The following CRMP1 variants were observed in gnomAD, a reference collection of about 807,000 sequenced individuals.
CRMP1 encodes the protein collapsin response mediator protein 1, also known as dihydropyrimidinase-related protein 1.
A neutral mutation model predicts 68.3 loss-of-function variants in CRMP1; 19 were observed. The observed-to-expected ratio is 0.28, with a 90% confidence interval of 0.19 to 0.41. CRMP1 has a LOEUF of 0.41. Among genes scored for constraint, CRMP1 ranks in the 10% least tolerant of loss-of-function variants. The pLI is 1.00. For missense variants in CRMP1, 791 were observed against 967.4 expected (o/e 0.82, Z 2.42); for synonymous variants, 439 against 399.6 (o/e 1.10, Z -1.18).
At position 5,872,342 on chromosome 4, in the gene CRMP1, G is replaced by C. The variant is rs1368294819; in HGVS notation, c.382-5586C>G. 6.6e-6 allele frequency among the ~76,000 whole-genome samples: 1 copy of C among 152,174 alleles called. No individual in the cohort carries two copies. The highest frequency in any genetic ancestry group is 1.9e-4 in the East Asian group (1 of 5,200). On this transcript the variant is annotated intron_variant, in intron 1 of 13. Transcript: ENST00000324989. This position sits in a 1 kb window ranked among gnomAD's most constrained non-coding sequence, Gnocchi z 4.6. Reference sequence around the variant, plus strand: ...CTATTGCCTCTCACGGGGTTACTGTGAGGGGAAAACAGCAGATGTGAACAA... The same window carrying C: ...CTATTGCCTCTCACGGGGTTACTGTCAGGGGAAAACAGCAGATGTGAACAA...
In CRMP1 at chr4:5,889,499, G is replaced by T; in HGVS notation, c.381+3090C>A. 6.8e-7 allele frequency: 1 copy of T among 1,463,596 alleles called. No homozygotes were observed. The highest frequency in any genetic ancestry group is 9.2e-7 in the Non-Finnish European group (1 of 1,083,658). The allele number at this position is 1,463,596 out of a possible 1,614,324, so 90.7% of individuals were successfully genotyped here. On this transcript the variant is annotated intron_variant, in intron 1 of 13. Coordinates refer to ENST00000324989, the MANE Select transcript of CRMP1 (RefSeq NM_001014809.3). This position sits in a 1 kb window ranked among gnomAD's most constrained non-coding sequence, Gnocchi z 4.5. ...GAGGTGGGCAGGAAGCCAGGTCACA[G>T]CTTGACAAGGTCCGTAACAGCAGAG...
intron 10 of CRMP1, among the ~76,000 whole-genome samples, 175 bp downstream of exon 10, chr4:5,836,590 G>A (rs537283368): frequency 1.3e-5 from 2 of 152,202 alleles, no homozygotes; most frequent in Non-Finnish European, 2.9e-5. Flanking sequence ...GGCCTCTCCC[G>A]GACTTGAGCT....
rs146352571 is a variant in CRMP1, at chr4:5,843,138, C to T, written c.987G>A (p.Met329Ile). ...IAQEQKRILE[M>I]GITGPEGHAL... ...CATGGCCCTCGGGACCCGTGATGCC[C>T]ATCTCCAGGATCCGCTTTTGTTCCT... The change falls in exon 7 of 14, where the codon ATG (methionine) becomes ATA (isoleucine). Residue 329 changes from methionine (M) to isoleucine (I), a missense_variant. Physicochemically the swap from Met to Ile is conservative, Grantham distance 10. This residue lies in a region of CRMP1 where 594 missense variants were observed against 763.6 expected (regional missense o/e 0.78). Transcript: ENST00000324989. This position sits in a 1 kb window ranked among gnomAD's most constrained non-coding sequence, Gnocchi z 4.1. 2.7e-4 allele frequency: 443 copies of T among 1,614,162 alleles called. No individual in the cohort carries two copies. Among genetic ancestry groups the T allele is most frequent in the Non-Finnish European group, 3.5e-4 (411 of 1,180,026 alleles).
chr4:5,888,483 G>A lies in CRMP1; in HGVS notation c.381+4106C>T. 2.5e-6 allele frequency: 3 copies of A among 1,207,342 alleles called. No homozygotes were observed. Among genetic ancestry groups the A allele is most frequent in the Non-Finnish European group, 2.1e-6 (2 of 972,576 alleles). The allele number at this position is 1,207,342 out of a possible 1,614,324, so 74.8% of individuals were successfully genotyped here. ...GGCTGCCAGCACCGCCCGGATCGGC[G>A]AGGAGGGCGGGAGAAGGAGGAGGGA... On this transcript the variant is annotated intron_variant, in intron 1 of 13. Transcript: ENST00000324989. The surrounding 1 kb of genome is among the most constrained non-coding windows in gnomAD (Gnocchi z 6.4).
rs1006117179 is a variant in CRMP1 at position 5,892,222 on chromosome 4, A to C, written c.381+367T>G. Among the ~76,000 whole-genome samples the C allele has an allele frequency of 4.6e-5, 7 of 152,178 alleles. No individual in the cohort carries two copies. The highest frequency in any genetic ancestry group is 1.2e-4 in the African/African-American group (5 of 41,444). On this transcript the variant is annotated intron_variant, in intron 1 of 13. Transcript: ENST00000324989. This position sits in a 1 kb window ranked among gnomAD's most constrained non-coding sequence, Gnocchi z 8.6. ...GGAACGGAGCTCCAGTTCTTTTCAC[A>C]AAACAGAATGAGGGGCCTGGGTTAG... is the stretch of plus-strand genomic sequence containing the variant.
rs1011291846 is a variant in CRMP1 at position 5,879,966 on chromosome 4, G to A, written c.381+12623C>T. 6.6e-6 allele frequency among the ~76,000 whole-genome samples: 1 copy of A among 152,210 alleles called. No homozygotes were observed. The highest frequency in any genetic ancestry group is 2.4e-5 in the African/African-American group (1 of 41,458). ...GGAATAAAGAATTGGAGTGGTTTTGGAAAAGAGAAGGTCCTAAGTAATGGA... is the reference window on the plus strand; with the variant it reads ...GGAATAAAGAATTGGAGTGGTTTTGAAAAAGAGAAGGTCCTAAGTAATGGA... On this transcript the variant is annotated intron_variant, in intron 1 of 13. Coordinates refer to ENST00000324989, the MANE Select transcript of CRMP1 (RefSeq NM_001014809.3). This position sits in a 1 kb window ranked among gnomAD's most constrained non-coding sequence, Gnocchi z 4.2.
At position 5,842,643 on chromosome 4, in the gene CRMP1, GTCTC is replaced by G. The variant is rs549227326; in HGVS notation, c.1032+446_1032+449del. ...TCACTCACACACACACACACGCACT[GTCTC>G]TCTCACACACACACACTAACATACA... On this transcript the variant is annotated intron_variant, in intron 7 of 13. Transcript: ENST00000324989. The surrounding 1 kb of genome is among the most constrained non-coding windows in gnomAD (Gnocchi z 4.5). 8.9e-3 allele frequency among the ~76,000 whole-genome samples: 1,322 copies of G among 148,996 alleles called. 7 individuals carry two copies. The highest frequency in any genetic ancestry group is 0.012 in the Non-Finnish European group (818 of 67,222).
intron 1 of CRMP1, among the ~76,000 whole-genome samples, chr4:5,869,632 C>T (rs1338914337): frequency 1.4e-5 from 2 of 147,542 alleles, no homozygotes; most frequent in African/African-American, 2.5e-5. Flanking sequence ...TGCAGTGAGC[C>T]GAGATAGCGC....
rs1406449836 is a variant in CRMP1, at chr4:5,842,623, C to G, written c.1032+470G>C. Among the ~76,000 whole-genome samples, 3 of 138,262 alleles carry G rather than the reference C, an allele frequency of 2.2e-5. No individual in the cohort carries two copies. Among genetic ancestry groups the G allele is most frequent in the Non-Finnish European group, 4.8e-5 (3 of 62,986 alleles). 90.7% of individuals were successfully genotyped at this position (138,262 alleles called of 152,430 possible). A position where few individuals can be genotyped will look rare whatever the true frequency, so the allele number is the denominator to read the frequency against. Reference sequence around the variant, plus strand: ...TCACACACACACACACACACTCACTCACACACACACACACGCACTGTCTCT... The same window carrying G: ...TCACACACACACACACACACTCACTGACACACACACACACGCACTGTCTCT... On this transcript the variant is annotated intron_variant, in intron 7 of 13. Coordinates refer to ENST00000324989, the MANE Select transcript of CRMP1 (RefSeq NM_001014809.3). The surrounding 1 kb of genome is among the most constrained non-coding windows in gnomAD (Gnocchi z 4.5).
rs1711526306 is a variant in CRMP1 at position 5,839,311 on chromosome 4, A to G, written c.1310+211T>C. The stretch of plus-strand genomic sequence containing the variant: ...AGGTTGGCTCAACAGGAGGTGGTCA[A>G]TTGATGTGAATGGAACAGTCACTGG... On this transcript the variant is annotated intron_variant, in intron 9 of 13. Coordinates refer to ENST00000324989, the MANE Select transcript of CRMP1 (RefSeq NM_001014809.3). Among the ~76,000 whole-genome samples, 4 of 152,216 alleles carry G rather than the reference A, an allele frequency of 2.6e-5. No homozygotes were observed. In the South Asian group the frequency reaches 8.3e-4, roughly 31 times the overall value.
At chr4:5,864,460 T>C (rs1309304735) in intron 2 of CRMP1, among the ~76,000 whole-genome samples, 1 of 152,230 alleles carries the variant, frequency 6.6e-6, no homozygotes, top group Non-Finnish European at 1.5e-5. Context: ...CCATTCGGGA[T>C]CCAGGTGCCC....
Position 5,860,616 on chromosome 4 carries a change from A to G in CRMP1, c.655+410T>C, listed in dbSNP as rs568944333. Among the ~76,000 whole-genome samples the G allele has an allele frequency of 7.3e-6, 1 of 137,186 alleles. No individual in the cohort carries two copies. Among genetic ancestry groups the G allele is most frequent in the Non-Finnish European group, 1.6e-5 (1 of 63,756 alleles). 90.0% of individuals were successfully genotyped at this position (137,186 alleles called of 152,430 possible). A position where few individuals can be genotyped will look rare whatever the true frequency, so the allele number is the denominator to read the frequency against. On this transcript the variant is annotated intron_variant, in intron 3 of 13. Coordinates refer to ENST00000324989, the MANE Select transcript of CRMP1 (RefSeq NM_001014809.3). The surrounding 1 kb of genome is among the most constrained non-coding windows in gnomAD (Gnocchi z 4.2). The stretch of plus-strand genomic sequence containing the variant: ...GTTCTGAAACCATAGCCATCTTCAC[A>G]TCATGTTGAAGGATTTTTTTTTTTT...
intron 4 of CRMP1, among the ~76,000 whole-genome samples, chr4:5,851,910 AGAGAAG>A (rs1712674976): frequency 7.0e-6 from 1 of 143,024 alleles, no homozygotes; most frequent in African/African-American, 2.6e-5. Context: ...AAAAGGAGAA[AGAGAAG>A]GAGAAGAGGA....
chr4:5,835,487 C>T (rs1275843660), intron 11 of CRMP1, among the ~76,000 whole-genome samples: 1 of 152,222 alleles, frequency 6.6e-6, no homozygotes, highest in East Asian at 1.9e-4. Context: ...CAACCCTTTC[C>T]TGTCTATTAG....
chr4:5,833,477 A>G (rs1173895441), intron 11 of CRMP1, among the ~76,000 whole-genome samples: 1 of 151,854 alleles, frequency 6.6e-6, no homozygotes, highest in East Asian at 1.9e-4. Context: ...CAGAACTTTT[A>G]AGAGATGAAA....
chr4:5,837,671 A>AATAC, intron 9 of CRMP1, among the ~76,000 whole-genome samples: 2 of 110,700 alleles, frequency 1.8e-5, no homozygotes, highest in African/African-American at 9.0e-5. Flanking sequence ...AATAAAATAA[A>AATAC]ATAAAATAAA....
intron 3 of CRMP1, among the ~76,000 whole-genome samples, 199 bp from the exon 4 acceptor site, chr4:5,856,506 C>A (rs1431155007): frequency 1.3e-5 from 2 of 151,736 alleles, no homozygotes; most frequent in Non-Finnish European, 2.9e-5. Flanking sequence ...TCATTATCAA[C>A]CCATCACCAT....
chr4:5,864,551 C>A (rs1288278671), intron 2 of CRMP1, among the ~76,000 whole-genome samples: 1 of 152,202 alleles, frequency 6.6e-6, no homozygotes, highest in Non-Finnish European at 1.5e-5. Context: ...GCTCCAGGAC[C>A]TACAGGTGCT....
rs1553909279 is a variant in CRMP1, at chr4:5,883,244, C to CTTCCTTCCATCT, written c.381+9344_381+9345insAGATGGAAGGAA. ...GCAGCCTGCCTGCTTTCCTTCCTTC[C>CTTCCTTCCATCT]TTCCTTCCTTCCTTCCTCCCTCCCT... is the stretch of plus-strand genomic sequence containing the variant. On this transcript the variant is annotated intron_variant, in intron 1 of 13. Coordinates refer to ENST00000324989, the MANE Select transcript of CRMP1 (RefSeq NM_001014809.3). The surrounding 1 kb of genome is among the most constrained non-coding windows in gnomAD (Gnocchi z 4.5). Among the ~76,000 whole-genome samples the CTTCCTTCCATCT allele has an allele frequency of 2.0e-5, 3 of 147,780 alleles. No homozygotes were observed. Among genetic ancestry groups the CTTCCTTCCATCT allele is most frequent in the African/African-American group, 7.4e-5 (3 of 40,772 alleles).
Sources: allele counts gnomAD v4.1 joint callset (sites outside exome capture counted in the v4.1 genomes callset), GRCh38; gene constraint gnomAD v4.1.1; regional missense constraint gnomAD v4.1.1; non-coding constraint Gnocchi (gnomAD v3.1); transcripts MANE v1.5; gene names NCBI Gene and HGNC (gene_info 2026-07-23, HGNC 2026-07-21).